TMEM272: variants seen among roughly 807,000 people sequenced by gnomAD.
TMEM272 encodes long intergenic non-protein coding RNA 282.
TMEM272 carries 8 observed loss-of-function variants against 3.7 expected under a neutral mutation model. The ratio of observed to expected loss-of-function variants is 2.17; its 90% CI spans 1.27 to 3.91. TMEM272 has a LOEUF of 3.91. TMEM272 is among the 30% of genes most tolerant of loss of function. The probability of loss-of-function intolerance (pLI) is 0.00; values close to 1 mark genes in which losing one functional copy is unlikely to be tolerated. For missense variants in TMEM272, 166 were observed against 91.5 expected (o/e 1.81, Z -3.32); for synonymous variants, 63 against 39.8 (o/e 1.58, Z -2.20).
At chr13:51,918,359 G>C in the TMEM272 span, among the ~76,000 whole-genome samples, 1 of 152,096 alleles carries the variant, frequency 6.6e-6, no homozygotes, top group African/African-American at 2.4e-5. Context: ...ATCTTTCTCA[G>C]TGTCTGGATA....
At chr13:51,876,358 G>A in the TMEM272 span, among the ~76,000 whole-genome samples, 1 of 152,132 alleles carries the variant, frequency 6.6e-6, no homozygotes, top group Admixed American at 6.5e-5. Flanking sequence ...GGGAATTCAG[G>A]GTGTCATGAA....
chr13:51,897,739 C>T, the TMEM272 span, among the ~76,000 whole-genome samples: 1 of 150,130 alleles, frequency 6.7e-6, no homozygotes, highest in Non-Finnish European at 1.5e-5. Context: ...CCAGCCTGGC[C>T]AACATGGTTA....
At chr13:51,863,996 AG>A in the TMEM272 span, among the ~76,000 whole-genome samples, 3 of 152,136 alleles carry the variant, frequency 2.0e-5, no homozygotes, top group African/African-American at 7.2e-5. Flanking sequence ...TCATGTTTGT[AG>A]TTACAGGGAT....
the TMEM272 span, among the ~76,000 whole-genome samples, chr13:51,931,198 C>T: frequency 6.6e-6 from 1 of 151,448 alleles, no homozygotes; most frequent in African/African-American, 2.4e-5. Flanking sequence ...ATAGTAAAGG[C>T]TTGGAACCAA....
chr13:51,894,694 A>G, the TMEM272 span, among the ~76,000 whole-genome samples: 37 of 152,178 alleles, frequency 2.4e-4, no homozygotes, highest in African/African-American at 7.7e-4. Flanking sequence ...GTGGTCCCCA[A>G]CGTTTTTGGC....
the TMEM272 span, chr13:51,909,165 G>C: frequency 7.1e-7 from 1 of 1,405,516 alleles, no homozygotes. Context: ...CTCTGTTTCA[G>C]CTAATTTTTG....
the TMEM272 span, among the ~76,000 whole-genome samples, chr13:51,850,682 T>C: frequency 6.6e-6 from 1 of 152,350 alleles, no homozygotes; most frequent in African/African-American, 2.4e-5. Flanking sequence ...ATTTTTAAAA[T>C]CATGAGTACT....
upstream of TMEM272, among the ~76,000 whole-genome samples, chr13:51,849,419 ATG>A (rs1794211652): frequency 1.3e-5 from 2 of 152,260 alleles, no homozygotes; most frequent in South Asian, 4.1e-4. Context: ...TTGCACAACA[ATG>A]TGAATATTCT....
the TMEM272 span, among the ~76,000 whole-genome samples, chr13:51,884,830 C>T: frequency 6.6e-6 from 1 of 152,222 alleles, no homozygotes; most frequent in Admixed American, 6.5e-5. Context: ...GCACTTAGGA[C>T]ATCACCTGGA....
At chr13:51,914,329 CT>C in the TMEM272 span, among the ~76,000 whole-genome samples, 4 of 152,224 alleles carry the variant, frequency 2.6e-5, no homozygotes, top group African/African-American at 9.6e-5. Context: ...GAAATTGACG[CT>C]TAGCAGGGCT....
At chr13:51,865,076 C>A in the TMEM272 span, among the ~76,000 whole-genome samples, 1 of 152,156 alleles carries the variant, frequency 6.6e-6, no homozygotes, top group Non-Finnish European at 1.5e-5. Context: ...TGTTCTGATA[C>A]CCTAGTTGAC....
the TMEM272 span, among the ~76,000 whole-genome samples, chr13:51,917,290 C>A: frequency 6.6e-6 from 1 of 152,194 alleles, no homozygotes; most frequent in East Asian, 1.9e-4. Flanking sequence ...AGGTGAAGGA[C>A]AAGTTTTATT....
the TMEM272 span, among the ~76,000 whole-genome samples, chr13:51,899,744 A>G: frequency 6.6e-6 from 1 of 152,238 alleles, no homozygotes; most frequent in Admixed American, 6.5e-5. Context: ...TCAGATCTTA[A>G]TGCAAAGCTA....
At chr13:51,839,335 TAA>T (rs1426159804) in intron 1 of TMEM272, among the ~76,000 whole-genome samples, 1 of 152,146 alleles carries the variant, frequency 6.6e-6, no homozygotes, top group Non-Finnish European at 1.5e-5. Flanking sequence ...GGTAGCCCCG[TAA>T]AGACACTAGG....
chr13:51,834,386 A>G (rs1282957999), intron 2 of TMEM272, among the ~76,000 whole-genome samples: 1 of 151,610 alleles, frequency 6.6e-6, no homozygotes, highest in Admixed American at 6.6e-5. Context: ...CTCCTCTCCA[A>G]CTCCCATACT....
chr13:51,934,333 G>T, the TMEM272 span: 1 of 298,896 alleles, frequency 3.3e-6, no homozygotes, highest in Non-Finnish European at 6.6e-6. Context: ...ACACAGACAG[G>T]CGTCATCAGA....
the TMEM272 span, among the ~76,000 whole-genome samples, chr13:51,882,093 G>A: frequency 6.6e-6 from 1 of 152,152 alleles, no homozygotes; most frequent in Non-Finnish European, 1.5e-5. Flanking sequence ...CATTGTTTTA[G>A]GACTGAACCA....
the TMEM272 span, chr13:51,862,216 G>A: frequency 6.6e-6 from 1 of 152,228 alleles, no homozygotes; most frequent in Non-Finnish European, 1.5e-5. Context: ...ACCCCAGTGG[G>A]AAGCAGCTAA....
chr13:51,835,228 CTTTT>C (rs202151711), intron 2 of TMEM272, among the ~76,000 whole-genome samples: 1 of 72,442 alleles, frequency 1.4e-5, no homozygotes, highest in South Asian at 3.7e-4. Context: ...TATTTTCTTT[CTTTT>C]TTTTTTTTTG....
Sources: allele counts gnomAD v4.1 joint callset (sites outside exome capture counted in the v4.1 genomes callset), GRCh38; gene constraint gnomAD v4.1.1; transcripts MANE v1.5; gene names NCBI Gene and HGNC (gene_info 2026-07-23, HGNC 2026-07-21).